Variants in KALRN observed in about 807,000 individuals in gnomAD.
KALRN encodes the protein kalirin.
Under a neutral mutation model 353.7 loss-of-function variants are expected in KALRN, and 70 were observed. The ratio of observed to expected loss-of-function variants is 0.20; its 90% CI spans 0.16 to 0.24. The LOEUF is 0.24. Ranked by LOEUF, KALRN falls within the 10% of genes least tolerant of loss-of-function variation. The pLI, the probability that KALRN is intolerant of heterozygous loss-of-function variation, is 1.00. For missense variants in KALRN, 2,791 were observed against 3,756.7 expected (o/e 0.74, Z 6.72); for synonymous variants, 1,391 against 1,434.8 (o/e 0.97, Z 0.69).
intron 1 of KALRN, among the ~76,000 whole-genome samples, chr3:124,062,908 C>T (rs868067865): frequency 3.9e-5 from 6 of 152,168 alleles, no homozygotes; most frequent in Admixed American, 6.5e-5. Flanking sequence ...CTGGTCACCT[C>T]GGAGCACTGA....
Position 124,430,645 on chromosome 3 carries a change from C to T in KALRN, c.2710-11C>T, listed in dbSNP as rs373194342. 9.9e-6 allele frequency: 16 copies of T among 1,613,630 alleles called. No homozygotes were observed. The highest frequency in any genetic ancestry group is 3.3e-5 in the Admixed American group (2 of 60,000). ...AGGCCATTCACCTGTGTGCTTGTCC[C>T]GATTCCCTAGGTTCTGGGATGGATC... On this transcript the variant is annotated splice_polypyrimidine_tract_variant and intron_variant, in intron 15 of 59. Coordinates refer to ENST00000682506, the MANE Select transcript of KALRN (RefSeq NM_001388419.1).
chr3:124,614,983 T>C (rs760035486), intron 34 of KALRN, among the ~76,000 whole-genome samples: 1 of 152,244 alleles, frequency 6.6e-6, no homozygotes, highest in Non-Finnish European at 1.5e-5. Flanking sequence ...GTATTTTACA[T>C]GGGAATTATG....
chr3:124,508,163 C>T (rs191592404), intron 33 of KALRN, among the ~76,000 whole-genome samples: 137 of 152,050 alleles, frequency 9.0e-4, no homozygotes, highest in African/African-American at 3.1e-3. Context: ...AATATATATG[C>T]GAAAATGTAC....
chr3:124,661,800 C>T, intron 44 of KALRN, 51 bp from the exon 45 acceptor site: 1 of 1,418,554 alleles, frequency 7.0e-7, no homozygotes, highest in East Asian at 2.3e-5. Flanking sequence ...CCAAGAGCTT[C>T]CTGCCTGAGT....
chr3:124,383,546 A>G (rs1032122162), intron 10 of KALRN, among the ~76,000 whole-genome samples: 1 of 151,838 alleles, frequency 6.6e-6, no homozygotes, highest in Non-Finnish European at 1.5e-5. Context: ...TTCACATAGC[A>G]TTGTCCCTGT....
At chr3:124,281,943 G>C (rs1355542349) in intron 5 of KALRN, among the ~76,000 whole-genome samples, 2 of 152,210 alleles carry the variant, frequency 1.3e-5, no homozygotes, top group African/African-American at 2.4e-5. Flanking sequence ...TGGTTTCTAG[G>C]AACGCTACCT....
intron 1 of KALRN, among the ~76,000 whole-genome samples, chr3:124,146,133 T>A (rs2067294459): frequency 6.6e-6 from 1 of 152,100 alleles, no homozygotes; most frequent in South Asian, 2.1e-4. Flanking sequence ...AACACAGAGA[T>A]CTTAAGCCCT....
chr3:124,639,105 T>C (rs1008599387), intron 37 of KALRN, among the ~76,000 whole-genome samples: 1 of 152,242 alleles, frequency 6.6e-6, no homozygotes, highest in South Asian at 2.1e-4. Flanking sequence ...CAAATTGTTT[T>C]CTTTGCTATC....
At chr3:124,674,193 A>G (rs333357) in intron 48 of KALRN, among the ~76,000 whole-genome samples, 171 bp from the exon 49 acceptor site, 23,271 of 152,070 alleles carry the variant, frequency 0.15, 2,241 homozygotes, top group African/African-American at 0.27. Flanking sequence ...TAAAAAATAT[A>G]CTTTCAGAGC....
At chr3:124,476,363 T>A (rs1258852570) in intron 26 of KALRN, among the ~76,000 whole-genome samples, 2 of 151,016 alleles carry the variant, frequency 1.3e-5, no homozygotes, top group Non-Finnish European at 3.0e-5. Context: ...ATCTGCAAAC[T>A]GGGGATGATA....
chr3:124,337,246 G>A (rs192477237), intron 9 of KALRN, among the ~76,000 whole-genome samples: 3 of 152,290 alleles, frequency 2.0e-5, no homozygotes, highest in African/African-American at 4.8e-5. Context: ...GATTTTCAAC[G>A]GAAATGCTTC....
chr3:124,166,941 A>G (rs2070956996), intron 1 of KALRN, among the ~76,000 whole-genome samples: 1 of 152,108 alleles, frequency 6.6e-6, no homozygotes, highest in Non-Finnish European at 1.5e-5. Context: ...GCTACTTGTG[A>G]GACTGAGACA....
At chr3:124,469,410 A>G (rs2060667158) in intron 25 of KALRN, among the ~76,000 whole-genome samples, 1 of 152,206 alleles carries the variant, frequency 6.6e-6, no homozygotes, top group South Asian at 2.1e-4. Flanking sequence ...TGAAAAATCC[A>G]GCACCTTTCC....
chr3:124,591,264 T>C (rs891646293), intron 34 of KALRN, among the ~76,000 whole-genome samples: 5 of 152,232 alleles, frequency 3.3e-5, no homozygotes, highest in Non-Finnish European at 5.9e-5. Context: ...TGGTTCAACT[T>C]AATTCAGGTC....
At chr3:124,505,608 GGAGTGAGACCCTGTCTCAAA>G (rs1384118697) in intron 33 of KALRN, among the ~76,000 whole-genome samples, 1 of 152,168 alleles carries the variant, frequency 6.6e-6, no homozygotes, top group Non-Finnish European at 1.5e-5. Context: ...ACTCCAACCT[GGAGTGAGACCCTGTCTCAAA>G]AAAACAAACA....
At position 124,661,866 on chromosome 3, in the gene KALRN, A is replaced by G. The variant is rs2084917724; in HGVS notation, c.6283A>G (p.Met2095Val). The G allele has an allele frequency of 1.2e-6, 2 of 1,613,940 alleles. No individual in the cohort carries two copies. The highest frequency in any genetic ancestry group is 2.2e-5 in the East Asian group (1 of 44,900). ...CSDIEKAVELMCLVPKRCNDM... is the reference protein window; with the variant it reads ...CSDIEKAVELVCLVPKRCNDM... ...TTTCCCACAGAAAGCAGTGGAGTTA[A>G]TGTGCCTTGTTCCCAAACGCTGCAA... The change falls in exon 45 of 60, where the codon ATG (methionine) becomes GTG (valine). Residue 2095 changes from methionine (M) to valine (V), a missense_variant. Coordinates refer to ENST00000682506, the MANE Select transcript of KALRN (RefSeq NM_001388419.1).
In KALRN at chr3:124,069,193, G is replaced by A. The variant is rs531132754; in HGVS notation, c.73+35380G>A. The stretch of plus-strand genomic sequence containing the variant: ...CAAAGAGGCTAGGAACTTGCCTAAA[G>A]TCACACAGCTGTTAAGTGGCAGAGC... On this transcript the variant is annotated intron_variant, in intron 1 of 59. Coordinates refer to ENST00000682506, the MANE Select transcript of KALRN (RefSeq NM_001388419.1). Among the ~76,000 whole-genome samples the A allele has an allele frequency of 1.0e-3, 154 of 152,178 alleles. 2 individuals carry two copies. Among genetic ancestry groups the A allele is most frequent in the Non-Finnish European group, 1.9e-3 (132 of 68,018 alleles).
At chr3:124,337,554 A>G (rs184199134) in intron 9 of KALRN, among the ~76,000 whole-genome samples, 3 of 152,216 alleles carry the variant, frequency 2.0e-5, no homozygotes, top group Admixed American at 2.0e-4. Flanking sequence ...CCAGTATTTT[A>G]TTGAGGATTT....
chr3:124,162,725 C>T (rs895911964), intron 1 of KALRN: 12 of 152,276 alleles, frequency 7.9e-5, no homozygotes, highest in African/African-American at 2.2e-4. Context: ...GGAAGCTCCT[C>T]CTTGCACAGT....
Sources: gnomAD v4.1 joint callset for allele counts (sites outside exome capture counted in the v4.1 genomes callset) on GRCh38, gnomAD v4.1.1 for gene constraint, MANE v1.5 for transcripts, NCBI Gene and HGNC (gene_info 2026-07-23, HGNC 2026-07-21) for gene names.